Variants in SDK1 observed in about 807,000 individuals in gnomAD.
SDK1 encodes sidekick cell adhesion molecule 1, also known as protein sidekick-1.
A neutral mutation model predicts 245.5 loss-of-function variants in SDK1; 157 were observed. That is an observed-to-expected ratio of 0.64 (90% CI 0.56 to 0.73). The LOEUF is 0.73. SDK1 is among the 30% of genes least tolerant of loss of function. SDK1 has a pLI of 0.00. For synonymous variants in SDK1, 1,647 were observed against 1,278.5 expected (o/e 1.29, Z -6.15); for missense variants, 3,583 against 3,002.3 (o/e 1.19, Z -4.52).
chr7:3,439,524 A>G (rs1308712169), intron 1 of SDK1, among the ~76,000 whole-genome samples: 1 of 152,200 alleles, frequency 6.6e-6, no homozygotes, highest in Non-Finnish European at 1.5e-5. Context: ...AGCTAAATCC[A>G]GATTGCAACA....
intron 4 of SDK1, among the ~76,000 whole-genome samples, chr7:3,705,075 G>A (rs1028639822): frequency 1.3e-5 from 2 of 152,164 alleles, no homozygotes; most frequent in African/African-American, 4.8e-5. Context: ...GTACCATGCT[G>A]TTTTGGTAAC....
intron 1 of SDK1, chr7:3,302,330 C>T (rs1404357530): frequency 6.6e-6 from 1 of 152,140 alleles, no homozygotes; most frequent in East Asian, 1.9e-4. Context: ...CCAGCCCCTC[C>T]CCAGGGCCTC....
At position 3,384,372 on chromosome 7, in the gene SDK1, T is replaced by G. The variant is rs571909359; in HGVS notation, c.298+82488T>G. Among the ~76,000 whole-genome samples, 171 of 152,206 alleles carry G rather than the reference T, an allele frequency of 1.1e-3. 1 individual carries two copies. The South Asian group carries it at 0.02, about 18-fold the overall frequency. ...ATATGCTGAAGGACACTCTGAAGAG[T>G]ACTAATTTTTTTCAGGGATGCTTTT... On this transcript the variant is annotated intron_variant, in intron 1 of 44. Coordinates refer to ENST00000404826, the MANE Select transcript of SDK1 (RefSeq NM_152744.4).
rs186275763 is a variant in SDK1, at chr7:4,235,972, C to T, written c.5993-1675C>T. 2.5e-3 allele frequency among the ~76,000 whole-genome samples: 377 copies of T among 152,342 alleles called. 1 individual carries two copies. The highest frequency in any genetic ancestry group is 3.7e-3 in the South Asian group (18 of 4,824). ...TGCCCGGTGGTGTAAGTGTGGCATG[C>T]GTCAGACTTGCCGCATGGAGTACCA... is the stretch of plus-strand genomic sequence containing the variant. On this transcript the variant is annotated intron_variant, in intron 41 of 44. Transcript: ENST00000404826.
At chr7:4,212,417 GAA>G (rs138931513) in intron 38 of SDK1, among the ~76,000 whole-genome samples, 3 of 149,286 alleles carry the variant, frequency 2.0e-5, no homozygotes, top group Admixed American at 6.7e-5. Context: ...ATCCGAGAAA[GAA>G]AAAAAAAATC....
intron 1 of SDK1, among the ~76,000 whole-genome samples, chr7:3,448,215 G>T (rs1780406105): frequency 6.6e-6 from 1 of 152,050 alleles, no homozygotes; most frequent in African/African-American, 2.4e-5. Context: ...AATGTGATCG[G>T]TGAAAACTGC....
chr7:3,946,093 C>G (rs192373662), intron 5 of SDK1, among the ~76,000 whole-genome samples: 58 of 150,454 alleles, frequency 3.9e-4, no homozygotes, highest in Non-Finnish European at 7.6e-4. Context: ...AAGGAACTAA[C>G]GCTATCAGGT....
intron 1 of SDK1, among the ~76,000 whole-genome samples, chr7:3,429,298 G>C (rs886065528): frequency 2.0e-5 from 3 of 152,084 alleles, no homozygotes; most frequent in Non-Finnish European, 4.4e-5. Flanking sequence ...TTACTTATTT[G>C]TAATGTAATT....
chr7:3,393,402 G>C (rs568680869), intron 1 of SDK1, among the ~76,000 whole-genome samples: 47 of 152,200 alleles, frequency 3.1e-4, no homozygotes, highest in African/African-American at 1.1e-3. Flanking sequence ...CTACTTAACA[G>C]AAATGTTTGA....
chr7:3,685,368 A>T (rs868833831), intron 4 of SDK1, among the ~76,000 whole-genome samples: 2 of 152,218 alleles, frequency 1.3e-5, no homozygotes, highest in Non-Finnish European at 2.9e-5. Context: ...TGGTAAAAAC[A>T]TCCTTCAAAA....
At chr7:3,689,310 A>G (rs1784378613) in intron 4 of SDK1, among the ~76,000 whole-genome samples, 1 of 152,044 alleles carries the variant, frequency 6.6e-6, no homozygotes, top group Admixed American at 6.5e-5. Flanking sequence ...GGAGCCTGCT[A>G]TTCTCCCTCC....
intron 4 of SDK1, among the ~76,000 whole-genome samples, chr7:3,752,404 C>A (rs559687875): frequency 1.1e-3 from 160 of 152,182 alleles, no homozygotes; most frequent in Non-Finnish European, 1.9e-3. Context: ...ACTTTTAATG[C>A]CATCTGACCT....
rs115619944 is a variant in SDK1 at position 3,651,225 on chromosome 7, C to T, written c.713+9120C>T. On this transcript the variant is annotated intron_variant, in intron 4 of 44. Coordinates refer to ENST00000404826, the MANE Select transcript of SDK1 (RefSeq NM_152744.4). ...ATGTACGAATGATTGCGTTTCCCTG[C>T]TTCCTCACTAGCATTTGGTGTTGTC... 6.0e-3 allele frequency among the ~76,000 whole-genome samples: 914 copies of T among 151,458 alleles called. 6 individuals are homozygous for T. The highest frequency in any genetic ancestry group is 0.021 in the African/African-American group (852 of 41,240).
At chr7:4,022,774 TTC>T (rs1491187186) in intron 17 of SDK1, among the ~76,000 whole-genome samples, 4 of 142,132 alleles carry the variant, frequency 2.8e-5, no homozygotes, top group African/African-American at 1.2e-4. Flanking sequence ...CTTTCTTTCT[TTC>T]TTTTTTTTTT....
intron 14 of SDK1, among the ~76,000 whole-genome samples, chr7:4,001,704 C>A (rs1292956268): frequency 2.0e-5 from 3 of 152,332 alleles, no homozygotes; most frequent in Admixed American, 6.5e-5. Context: ...GGAAGGATAT[C>A]AAAATGTATT....
chr7:4,044,421 A>T (rs1788865383), intron 17 of SDK1, among the ~76,000 whole-genome samples: 1 of 152,048 alleles, frequency 6.6e-6, no homozygotes, highest in Admixed American at 6.5e-5. Context: ...TCATGGGAAA[A>T]GTATCAAAGA....
In SDK1 at chr7:3,655,479, ATATATATATATATATATATATATATG is replaced by A. The variant is rs1474667207; in HGVS notation, c.713+13378_713+13403del. ...TATATATATATATATATATATATAT[ATATATATATATATATATATATATATG>A]TATGTATGTATATAAAATGTGCTAG... On this transcript the variant is annotated intron_variant, in intron 4 of 44. Transcript: ENST00000404826. 8.3e-4 allele frequency among the ~76,000 whole-genome samples: 78 copies of A among 94,350 alleles called. 2 individuals carry two copies. The highest frequency in any genetic ancestry group is 1.6e-3 in the Admixed American group (14 of 8,952). 61.9% of individuals were successfully genotyped at this position (94,350 alleles called of 152,430 possible). A position where few individuals can be genotyped will look rare whatever the true frequency, so the allele number is the denominator to read the frequency against.
intron 14 of SDK1, among the ~76,000 whole-genome samples, chr7:3,996,380 G>GA (rs1413925960): frequency 5.9e-5 from 9 of 152,046 alleles, no homozygotes; most frequent in African/African-American, 2.2e-4. Flanking sequence ...TATTCTTCCA[G>GA]AAAAAACTGA....
At chr7:3,676,525 C>A (rs1783905473) in intron 4 of SDK1, among the ~76,000 whole-genome samples, 1 of 151,838 alleles carries the variant, frequency 6.6e-6, no homozygotes, top group African/African-American at 2.4e-5. Flanking sequence ...CGGGGTTTCA[C>A]CCTGTTAGCC....
Sources: gnomAD v4.1 joint callset for allele counts (sites outside exome capture counted in the v4.1 genomes callset) on GRCh38, gnomAD v4.1.1 for gene constraint, MANE v1.5 for transcripts, NCBI Gene and HGNC (gene_info 2026-07-23, HGNC 2026-07-21) for gene names.